The following ARHGAP44 variants were observed in gnomAD, a reference collection of about 807,000 sequenced individuals.
The protein encoded by ARHGAP44 is Rho GTPase activating protein 44.
A neutral mutation model predicts 106.8 loss-of-function variants in ARHGAP44; 43 were observed. The ratio of observed to expected loss-of-function variants is 0.40; its 90% CI spans 0.32 to 0.52. The LOEUF is 0.52. Ranked by LOEUF, ARHGAP44 falls within the 20% of genes least tolerant of loss-of-function variation. The pLI is 0.48. For synonymous variants in ARHGAP44, 439 were observed against 410.3 expected (o/e 1.07, Z -0.85); for missense variants, 866 against 1,050.5 (o/e 0.82, Z 2.43).
chr17:12,867,657 G>A (rs752642709), intron 1 of ARHGAP44, among the ~76,000 whole-genome samples: 4 of 152,170 alleles, frequency 2.6e-5, no homozygotes, highest in Non-Finnish European at 5.9e-5. Context: ...GGGAGTCATG[G>A]AATCTATCCT....
intron 1 of ARHGAP44, among the ~76,000 whole-genome samples, chr17:12,883,518 C>T (rs2036797829): frequency 6.6e-6 from 1 of 151,622 alleles, no homozygotes; most frequent in Admixed American, 6.6e-5. Flanking sequence ...TTCTAAATAT[C>T]ATTTTGCTAC....
At chr17:12,980,635 G>A (rs550141416) in intron 19 of ARHGAP44, among the ~76,000 whole-genome samples, 27 of 152,262 alleles carry the variant, frequency 1.8e-4, no homozygotes, top group African/African-American at 6.3e-4. Flanking sequence ...TAGATCACTC[G>A]TACAGGGTGA....
intron 1 of ARHGAP44, among the ~76,000 whole-genome samples, chr17:12,843,916 C>G (rs898121622): frequency 1.3e-5 from 2 of 151,998 alleles, no homozygotes; most frequent in African/African-American, 4.8e-5. Context: ...CTTGACCTTC[C>G]AAAGTACTGG....
intron 7 of ARHGAP44, among the ~76,000 whole-genome samples, chr17:12,930,308 A>G (rs1351945596): frequency 2.6e-5 from 4 of 151,230 alleles, no homozygotes; most frequent in Admixed American, 6.6e-5. Flanking sequence ...GTCTTGGCTC[A>G]CCGCAACTTC....
intron 1 of ARHGAP44, among the ~76,000 whole-genome samples, chr17:12,854,969 A>AG (rs1432467179): frequency 6.6e-6 from 1 of 151,360 alleles, no homozygotes; most frequent in Admixed American, 6.6e-5. Context: ...AAAAAAAAAA[A>AG]AAAAAAAAAA....
chr17:12,982,685 C>T (rs1460706396), intron 19 of ARHGAP44: 1 of 152,234 alleles, frequency 6.6e-6, no homozygotes, highest in African/African-American at 2.4e-5. Flanking sequence ...TTAATTATTA[C>T]ACTGCTGCAG....
chr17:12,974,635 T>C (rs955699995), intron 18 of ARHGAP44, among the ~76,000 whole-genome samples: 2 of 152,046 alleles, frequency 1.3e-5, no homozygotes, highest in African/African-American at 4.8e-5. Context: ...GCCCCCCATA[T>C]CCGTGGGAGA....
intron 1 of ARHGAP44, among the ~76,000 whole-genome samples, chr17:12,861,644 C>CTTTTTTTT (rs71144930): frequency 3.0e-5 from 2 of 67,754 alleles, no homozygotes; most frequent in Non-Finnish European, 5.7e-5. Context: ...TCCTCTTCCA[C>CTTTTTTTT]TTTTTTTTTT....
At chr17:12,969,072 C>G (rs2039463711) in intron 16 of ARHGAP44, among the ~76,000 whole-genome samples, 1 of 152,110 alleles carries the variant, frequency 6.6e-6, no homozygotes, top group African/African-American at 2.4e-5. Flanking sequence ...CCTGGCCTCC[C>G]TGTCTATTTC....
At chr17:12,891,180 T>C (rs536629785) in intron 1 of ARHGAP44, among the ~76,000 whole-genome samples, 1 of 152,322 alleles carries the variant, frequency 6.6e-6, no homozygotes, top group East Asian at 1.9e-4. Flanking sequence ...TGCAGCCTTT[T>C]TCTAGCCTGC....
rs190095991 is a variant in ARHGAP44, at chr17:12,951,616, C to A, written c.1056-885C>A. 1.6e-3 allele frequency among the ~76,000 whole-genome samples: 238 copies of A among 152,256 alleles called. 3 individuals carry two copies. The highest frequency in any genetic ancestry group is 4.6e-3 in the East Asian group (24 of 5,176). ...CACTTCATTTGCAAATGTGGGTCTC[C>A]ATTAAGAAATAGAAATGATCCAGAT... On this transcript the variant is annotated intron_variant, in intron 12 of 20. Transcript: ENST00000379672.
At chr17:12,913,753 A>ACGCCTGTAATCCTAACACTTTG (rs1343985453) in intron 4 of ARHGAP44, among the ~76,000 whole-genome samples, 259 of 113,778 alleles carry the variant, frequency 2.3e-3, no homozygotes, top group Middle Eastern at 4.6e-3. Context: ...GGATTACCTG[A>ACGCCTGTAATCCTAACACTTTG]GGTCCAGAGT....
intron 1 of ARHGAP44, among the ~76,000 whole-genome samples, chr17:12,823,713 A>G (rs1448727853): frequency 6.6e-6 from 1 of 152,228 alleles, no homozygotes; most frequent in Admixed American, 6.5e-5. Flanking sequence ...TCTCAACAGC[A>G]GAAGATCTCT....
Position 12,987,947 on chromosome 17 carries a change from G to C in ARHGAP44, c.2318-2085G>C, listed in dbSNP as rs753986285. 2.6e-5 allele frequency: 4 copies of C among 152,360 alleles called. No individual in the cohort carries two copies. In the East Asian group the frequency reaches 5.8e-4, roughly 22 times the overall value. The allele number at this position is 152,360 out of a possible 1,614,324, so 9.4% of individuals were successfully genotyped here. ...GAAGGACTTTGGTGTATTTGCCTCA[G>C]TAAGTAGGGGTGGCCAAAGCAAACC... On this transcript the variant is annotated intron_variant, in intron 20 of 20. Coordinates refer to ENST00000379672, the MANE Select transcript of ARHGAP44 (RefSeq NM_014859.6).
At chr17:12,894,237 AGAGAGT>A (rs1230098954) in intron 1 of ARHGAP44, among the ~76,000 whole-genome samples, 1 of 145,520 alleles carries the variant, frequency 6.9e-6, no homozygotes, top group African/African-American at 2.6e-5. Context: ...TGAGAGAGAG[AGAGAGT>A]GTGTGTGTGT....
Position 12,881,074 on chromosome 17 carries a change from G to C in ARHGAP44, c.54-13866G>C, listed in dbSNP as rs1228056894. Among the ~76,000 whole-genome samples the C allele has an allele frequency of 3.3e-5, 5 of 150,746 alleles. No homozygotes were observed. In the South Asian group the frequency reaches 1.0e-3, roughly 32 times the overall value. Reference sequence around the variant, plus strand: ...CTGATCTTTAGCTCATTTTTTTTAGGGTTGATTTTTTTTTCTGGCAGTTGT... The same window carrying C: ...CTGATCTTTAGCTCATTTTTTTTAGCGTTGATTTTTTTTTCTGGCAGTTGT... On this transcript the variant is annotated intron_variant, in intron 1 of 20. Coordinates refer to ENST00000379672, the MANE Select transcript of ARHGAP44 (RefSeq NM_014859.6).
At chr17:12,922,901 C>T (rs755534270) in intron 6 of ARHGAP44, among the ~76,000 whole-genome samples, 3 of 152,158 alleles carry the variant, frequency 2.0e-5, no homozygotes, top group Non-Finnish European at 2.9e-5. Context: ...GTTCTGCAAA[C>T]GTACATGCCA....
Position 12,990,212 on chromosome 17 carries a change from G to C in ARHGAP44, c.*41G>C. On this transcript the variant is annotated 3_prime_UTR_variant, in exon 21 of 21. Coordinates refer to ENST00000379672, the MANE Select transcript of ARHGAP44 (RefSeq NM_014859.6). ...CCTGCCTCGCGTGTACATACATCAC[G>C]GGCCCTAGGAACGCCGCCAGGAGCA... 3.8e-6 allele frequency: 6 copies of C among 1,582,050 alleles called. No individual in the cohort carries two copies. The highest frequency in any genetic ancestry group is 2.3e-5 in the East Asian group (1 of 43,328).
intron 16 of ARHGAP44, among the ~76,000 whole-genome samples, chr17:12,966,455 G>T (rs914981828): frequency 1.3e-5 from 2 of 152,140 alleles, no homozygotes; most frequent in African/African-American, 4.8e-5. Flanking sequence ...GTGCTTCGTC[G>T]CTACTTACTG....
Sources: allele counts gnomAD v4.1 joint callset (sites outside exome capture counted in the v4.1 genomes callset), GRCh38; gene constraint gnomAD v4.1.1; transcripts MANE v1.5; gene names NCBI Gene and HGNC (gene_info 2026-07-23, HGNC 2026-07-21).